The following HLA-DOB variants were observed in gnomAD, a reference collection of about 807,000 sequenced individuals.
HLA-DOB encodes major histocompatibility complex, class II, DO beta, also known as HLA class II histocompatibility antigen, DO beta chain.
Under a neutral mutation model 27.7 loss-of-function variants are expected in HLA-DOB, and 25 were observed. The ratio of observed to expected loss-of-function variants is 0.90; its 90% CI spans 0.66 to 1.26. The LOEUF is 1.26. HLA-DOB is among the 50% of genes most tolerant of loss of function. The pLI, the probability that HLA-DOB is intolerant of heterozygous loss-of-function variation, is 0.00. For missense variants in HLA-DOB, 306 were observed against 324.9 expected (o/e 0.94, Z 0.45); for synonymous variants, 137 against 125.6 (o/e 1.09, Z -0.61).
chr6:32,814,547 T>A lies in HLA-DOB; in HGVS notation c.416A>T (p.Asn139Ile). ...GCCTGTCACAGAGCAGTGCAGCAGA[T>A]TATGCTGGTGCAGGAGTGGGGTCCT... is the stretch of plus-strand genomic sequence containing the variant. ...PERTPLLHQH[N>I]LLHCSVTGFY... Residue 139 changes from asparagine (N) to isoleucine (I), a missense_variant, in exon 3 of 6, where the codon AAT becomes ATT. Asn to Ile is a moderately radical substitution (Grantham distance 149). Transcript: ENST00000438763. 1 of 1,612,756 alleles carries A rather than the reference T, an allele frequency of 6.2e-7. No individual in the cohort carries two copies. The highest frequency in any genetic ancestry group is 8.5e-7 in the Non-Finnish European group (1 of 1,179,788).
intron 1 of HLA-DOB, 69 bp from the exon 2 acceptor site, chr6:32,815,382 G>A (rs545323604): frequency 3.5e-5 from 55 of 1,558,644 alleles, no homozygotes; most frequent in African/African-American, 1.5e-4. Context: ...GGTAAATTAC[G>A]TCAGACCACA....
At chr6:32,814,656 G>A in intron 2 of HLA-DOB, 55 bp from the exon 3 acceptor site, 1 of 1,485,156 alleles carries the variant, frequency 6.7e-7, no homozygotes, top group South Asian at 1.2e-5. Flanking sequence ...AGCTGGGACA[G>A]GAGATTCTTT....
rs781250640 is a variant in HLA-DOB, at chr6:32,815,182, C to A, written c.223G>T (p.Ala75Ser). ...TCTGGCTGCCCCAGCTTGGTCAATG[C>A]CACAAACATCCCCACATCACTGTCG... is the stretch of plus-strand genomic sequence containing the variant. ...RFDSDVGMFV[A>S]LTKLGQPDAE... The change falls in exon 2 of 6, where the codon GCA (alanine) becomes TCA (serine). Residue 75 changes from alanine (A) to serine (S), a missense_variant. Physicochemically the swap from Ala to Ser is moderately conservative, Grantham distance 99. Coordinates refer to ENST00000438763, the MANE Select transcript of HLA-DOB (RefSeq NM_002120.4). The A allele has an allele frequency of 3.1e-6, 5 of 1,614,220 alleles. No individual in the cohort carries two copies. In the South Asian group the frequency reaches 3.3e-5, roughly 11 times the overall value.
At chr6:32,814,904 A>C (rs1439253576) in intron 2 of HLA-DOB, 140 bp downstream of exon 2, 2 of 1,016,404 alleles carry the variant, frequency 2.0e-6, no homozygotes, top group African/African-American at 3.3e-5. Context: ...TGAGGATAAT[A>C]TATCACAGCT....
Position 32,815,998 on chromosome 6 carries a change from C to T in HLA-DOB, c.92-685G>A, listed in dbSNP as rs185190151. Among the ~76,000 whole-genome samples the T allele has an allele frequency of 1.6e-4, 24 of 152,226 alleles. 1 individual carries two copies. The East Asian group carries it at 2.7e-3, about 17-fold the overall frequency. On this transcript the variant is annotated intron_variant, in intron 1 of 5. Transcript: ENST00000438763. ...GCATGTATACTCTTCTCTATTTCCT[C>T]TAGTAGTCTAAACCAGGGGGGAAAT... is the stretch of plus-strand genomic sequence containing the variant.
In HLA-DOB at chr6:32,813,082, T is replaced by C. The variant is rs1767861479; in HGVS notation, c.*134A>G. The C allele has an allele frequency of 1.3e-5, 11 of 829,176 alleles. No individual in the cohort carries two copies. Among genetic ancestry groups the C allele is most frequent in the Admixed American group, 7.1e-5 (4 of 56,124 alleles). The allele number at this position is 829,176 out of a possible 1,614,324, so 51.4% of individuals were successfully genotyped here. A position where few individuals can be genotyped will look rare whatever the true frequency, so the allele number is the denominator to read the frequency against. On this transcript the variant is annotated 3_prime_UTR_variant, in exon 6 of 6. Transcript: ENST00000438763. ...TCAGAACACAGAGCTCCAGAATCAG[T>C]TCGGGCTCCTCCAAGGATCAGGGAA...
intron 5 of HLA-DOB, 28 bp from the exon 6 acceptor site, chr6:32,813,279 G>C: frequency 6.2e-7 from 1 of 1,612,826 alleles, no homozygotes. Flanking sequence ...AAGGTCTCAG[G>C]AGGCAGCCTC....
At chr6:32,816,364 C>T (rs1768019995) in intron 1 of HLA-DOB, among the ~76,000 whole-genome samples, 1 of 152,180 alleles carries the variant, frequency 6.6e-6, no homozygotes, top group Non-Finnish European at 1.5e-5. Context: ...TCTTACTTCT[C>T]AAAACTGTTT....
chr6:32,813,406 C>G (rs1767881185), intron 5 of HLA-DOB, 34 bp downstream of exon 5: 1 of 1,610,820 alleles, frequency 6.2e-7, no homozygotes, highest in Non-Finnish European at 8.5e-7. Context: ...GGAGAATGAT[C>G]TGCCACTCAA....
intron 5 of HLA-DOB, 27 bp from the exon 6 acceptor site, chr6:32,813,278 G>A: frequency 6.2e-7 from 1 of 1,612,722 alleles, no homozygotes; most frequent in Non-Finnish European, 8.5e-7. Flanking sequence ...GAAGGTCTCA[G>A]GAGGCAGCCT....
intron 1 of HLA-DOB, among the ~76,000 whole-genome samples, 175 bp downstream of exon 1, chr6:32,816,686 T>A (rs751509497): frequency 1.3e-5 from 2 of 152,156 alleles, no homozygotes; most frequent in African/African-American, 2.4e-5. Context: ...GTATATGAAG[T>A]CCATCCCATG....
In HLA-DOB at chr6:32,815,207, G is replaced by A. The variant is rs778791940; in HGVS notation, c.198C>T (p.Phe66=). ...CCACAAACATCCCCACATCACTGTC[G>A]AAACGTACATACTCCTCCAAGTTAA... The part of the protein sequence containing the change: ...FIFNLEEYVR[F]DSDVGMFVAL... Residue 66 remains phenylalanine (F), a synonymous_variant, in exon 2 of 6, where the codon TTC becomes TTT. Transcript: ENST00000438763. The A allele has an allele frequency of 5.3e-5, 85 of 1,614,020 alleles. No homozygotes were observed. Among genetic ancestry groups the A allele is most frequent in the Middle Eastern group, 1.6e-4 (1 of 6,084 alleles).
At chr6:32,813,963 T>A in intron 3 of HLA-DOB, 130 bp from the exon 4 acceptor site, 1 of 715,892 alleles carries the variant, frequency 1.4e-6, no homozygotes, top group South Asian at 1.9e-5. Flanking sequence ...TTAGAAAAGG[T>A]TCTTCGAAAC....
chr6:32,813,165 GACT>G lies in HLA-DOB; in HGVS notation c.*48_*50del. Reference sequence around the variant, plus strand: ...TGTCCTTTACCTCACCCAGGGCCCAGACTACTCATCACTACTTCAGGCTCCAGA... The same window carrying G: ...TGTCCTTTACCTCACCCAGGGCCCAGACTCATCACTACTTCAGGCTCCAGA... On this transcript the variant is annotated 3_prime_UTR_variant, in exon 6 of 6. Transcript: ENST00000438763. 4 of 1,547,026 alleles carry G rather than the reference GACT, an allele frequency of 2.6e-6. No individual in the cohort carries two copies. The highest frequency in any genetic ancestry group is 3.6e-6 in the Non-Finnish European group (4 of 1,119,528).
chr6:32,816,018 G>A (rs1768004899), intron 1 of HLA-DOB, among the ~76,000 whole-genome samples: 4 of 151,966 alleles, frequency 2.6e-5, no homozygotes, highest in Admixed American at 1.3e-4. Flanking sequence ...AAACCAGGGG[G>A]GAAATCTGAA....
At chr6:32,814,908 C>G in intron 2 of HLA-DOB, 136 bp downstream of exon 2, 1 of 1,063,196 alleles carries the variant, frequency 9.4e-7, no homozygotes, top group South Asian at 1.6e-5. Context: ...GATAATATAT[C>G]ACAGCTGGGG....
Position 32,814,395 on chromosome 6 carries a change from T to C in HLA-DOB, c.568A>G (p.Thr190Ala). The change falls in exon 3 of 6, where the codon ACT (threonine) becomes GCT (alanine). Residue 190 changes from threonine (T) to alanine (A), a missense_variant. Coordinates refer to ENST00000438763, the MANE Select transcript of HLA-DOB (RefSeq NM_002120.4). ...TFQTVVMLEM[T>A]PELGHVYTCL... ...GTGTAGACATGTCCAAGTTCAGGAG[T>C]CATTTCTAGCATCACCACAGTCTGA... The C allele has an allele frequency of 6.2e-7, 1 of 1,612,300 alleles. No individual in the cohort carries two copies. The highest frequency in any genetic ancestry group is 8.5e-7 in the Non-Finnish European group (1 of 1,179,812).
intron 5 of HLA-DOB, 43 bp from the exon 6 acceptor site, chr6:32,813,294 C>G: frequency 6.2e-7 from 1 of 1,607,428 alleles, no homozygotes; most frequent in Non-Finnish European, 8.5e-7. Context: ...AGCCTCACCA[C>G]CCCCCACAGC....
chr6:32,815,079 T>C lies in HLA-DOB; in HGVS notation c.326A>G (p.Tyr109Cys). 3 of 1,614,198 alleles carry C rather than the reference T, an allele frequency of 1.9e-6. No homozygotes were observed. The highest frequency in any genetic ancestry group is 1.3e-5 in the African/African-American group (1 of 75,034). Residue 109 changes from tyrosine to cysteine, a missense_variant, in exon 2 of 6, where the codon TAC becomes TGC. Tyr to Cys is a radical substitution (Grantham distance 194, BLOSUM62 -2). Transcript: ENST00000438763. ...QAVDGVCRHN[Y>C]RLGAPFTVGR... ...CACAGTGAAGGGTGCGCCCAGCCTG[T>C]AGTTGTGTCTACAGACCCCATCCAC...
Sources: allele counts gnomAD v4.1 joint callset (sites outside exome capture counted in the v4.1 genomes callset), GRCh38; gene constraint gnomAD v4.1.1; transcripts MANE v1.5; gene names NCBI Gene and HGNC (gene_info 2026-07-23, HGNC 2026-07-21).